The following UBE2J1 variants were observed in gnomAD, a reference collection of about 807,000 sequenced individuals.
UBE2J1 encodes ubiquitin conjugating enzyme E2 J1, also known as ubiquitin-conjugating enzyme E2 J1.
UBE2J1 carries 17 observed loss-of-function variants against 42.1 expected under a neutral mutation model. That is an observed-to-expected ratio of 0.40 (90% confidence interval 0.28 to 0.61). The LOEUF (loss-of-function observed/expected upper bound fraction) is 0.61, where lower values mean the gene tolerates loss of function less well. Among genes scored for constraint, UBE2J1 ranks in the 20% least tolerant of loss-of-function variants. UBE2J1 has a pLI of 0.38. For synonymous variants in UBE2J1, 127 were observed against 137.2 expected, an observed-to-expected ratio of 0.93 and a Z score of 0.52; for missense variants, 291 against 389.4, an observed-to-expected ratio of 0.75 and a Z score of 2.13.
intron 3 of UBE2J1, among the ~76,000 whole-genome samples, chr6:89,338,811 G>A (rs535992857): frequency 5.6e-4 from 85 of 151,376 alleles, no homozygotes; most frequent in African/African-American, 1.7e-3. Flanking sequence ...AACTACAGGC[G>A]CCTGCCACCA....
intron 3 of UBE2J1, among the ~76,000 whole-genome samples, chr6:89,341,542 A>G (rs746291374): frequency 6.6e-6 from 1 of 152,052 alleles, no homozygotes; most frequent in Admixed American, 6.6e-5. Flanking sequence ...TTCAAGACCA[A>G]TGAGACCATG....
chr6:89,329,810 G>A lies in UBE2J1; in HGVS notation c.826C>T (p.Gln276Ter). The A allele has an allele frequency of 6.2e-7, 1 of 1,614,104 alleles. No homozygotes were observed. Among genetic ancestry groups the A allele is most frequent in the Non-Finnish European group, 8.5e-7 (1 of 1,180,012 alleles). Residue 276 changes from glutamine (Q) to a stop codon, truncating the protein, a stop_gained, in exon 8 of 8, where the codon CAG (glutamine) becomes TAG (stop). Coordinates refer to ENST00000435041, the MANE Select transcript of UBE2J1 (RefSeq NM_016021.3). LOFTEE classifies it high-confidence loss of function. ...TGATCAGTGTGGTTGTCTCTTGGCT[G>A]GTGGCCCTGGATTACATCTGGTGAA... is the stretch of plus-strand genomic sequence containing the variant. ...STSPDVIQGHQPRDNHTDHGG... is the reference protein window; with the variant it reads ...STSPDVIQGH
chr6:89,346,045 C>G (rs986020190), intron 1 of UBE2J1, among the ~76,000 whole-genome samples: 1 of 152,194 alleles, frequency 6.6e-6, no homozygotes, highest in East Asian at 1.9e-4. Context: ...CATGCACCAC[C>G]ATGCCTGGCT....
Position 89,338,396 on chromosome 6 carries a change from T to C in UBE2J1, c.322+63A>G. ...GGAAAAAGAAAAAATCAGAGTATTA[T>C]ACTTCATAACTATGAATTGACTGAA... is the stretch of plus-strand genomic sequence containing the variant. On this transcript the variant is annotated intron_variant, in intron 4 of 7. Transcript: ENST00000435041. 9 of 1,565,146 alleles carry C rather than the reference T, an allele frequency of 5.8e-6. 1 individual carries two copies. The highest frequency in any genetic ancestry group is 7.9e-6 in the Non-Finnish European group (9 of 1,139,040).
intron 1 of UBE2J1, among the ~76,000 whole-genome samples, chr6:89,349,423 C>T (rs1768423892): frequency 6.6e-6 from 1 of 152,092 alleles, no homozygotes; most frequent in Non-Finnish European, 1.5e-5. Context: ...CTGGTGACAA[C>T]AGTGACTGAT....
intron 3 of UBE2J1, among the ~76,000 whole-genome samples, chr6:89,341,921 T>C (rs1477752538): frequency 6.6e-6 from 1 of 152,190 alleles, no homozygotes; most frequent in Non-Finnish European, 1.5e-5. Flanking sequence ...GTAGGTATCA[T>C]TATTCTCATT....
chr6:89,330,072 T>G (rs1339039685), intron 7 of UBE2J1, 115 bp from the exon 8 acceptor site: 10 of 1,003,830 alleles, frequency 1.0e-5, no homozygotes, highest in Non-Finnish European at 1.5e-5. Context: ...AGGGCAACAC[T>G]ACCAAGAATG....
chr6:89,350,626 A>G (rs1052605995), intron 1 of UBE2J1, among the ~76,000 whole-genome samples: 1 of 152,168 alleles, frequency 6.6e-6, no homozygotes, highest in Non-Finnish European at 1.5e-5. Flanking sequence ...TCTTTGAGGA[A>G]ATGAAACCAG....
intron 1 of UBE2J1, among the ~76,000 whole-genome samples, chr6:89,349,645 T>C (rs903057966): frequency 5.9e-5 from 9 of 152,190 alleles, no homozygotes; most frequent in Admixed American, 1.3e-4. Flanking sequence ...TTTTTCACTC[T>C]ATGGGAAATG....
chr6:89,332,999 AG>A, intron 7 of UBE2J1, 86 bp downstream of exon 7: 1 of 1,291,878 alleles, frequency 7.7e-7, no homozygotes, highest in Non-Finnish European at 1.0e-6. Context: ...CAAATTTTTC[AG>A]ATATTTGATC....
chr6:89,343,716 A>T lies in UBE2J1; in HGVS notation c.72T>A (p.Asp24Glu). 1 of 1,610,416 alleles carries T rather than the reference A, an allele frequency of 6.2e-7. No homozygotes were observed. The highest frequency in any genetic ancestry group is 8.5e-7 in the Non-Finnish European group (1 of 1,178,426). Residue 24 changes from aspartate to glutamate, a missense_variant, in exon 2 of 8, where the codon GAT becomes GAA. This residue lies in a region of UBE2J1 where 115 missense variants were observed against 193.1 expected (regional missense o/e 0.60). Transcript: ENST00000435041. ...GCTGCGCATGGTAATGATCTGTTGG[A>T]TCTTTCAATTCTGCCGCTTCTTTCA... The part of the protein sequence containing the change: ...RLMKEAAELK[D>E]PTDHYHAQPL...
chr6:89,341,511 AG>A (rs1296094212), intron 3 of UBE2J1, among the ~76,000 whole-genome samples: 3 of 152,154 alleles, frequency 2.0e-5, no homozygotes, highest in Non-Finnish European at 4.4e-5. Context: ...CTGAGATGGG[AG>A]GACTGCCTGA....
chr6:89,352,664 G>T lies in UBE2J1; in HGVS notation c.-95C>A. ...GTCTCAGCGCGGCTCGGGCGGACGG[G>T]GCCTGGCCGAGGAGCCTCGGCAAAT... On this transcript the variant is annotated 5_prime_UTR_variant, in exon 1 of 8. Transcript: ENST00000435041. 1 of 1,378,904 alleles carries T rather than the reference G, an allele frequency of 7.3e-7. No homozygotes were observed. The highest frequency in any genetic ancestry group is 3.0e-5 in the East Asian group (1 of 33,180). The allele number at this position is 1,378,904 out of a possible 1,614,324, so 85.4% of individuals were successfully genotyped here. A position where few individuals can be genotyped will look rare whatever the true frequency, so the allele number is the denominator to read the frequency against.
intron 1 of UBE2J1, among the ~76,000 whole-genome samples, chr6:89,345,428 C>A (rs993780080): frequency 1.3e-5 from 2 of 151,700 alleles, no homozygotes; most frequent in Non-Finnish European, 2.9e-5. Flanking sequence ...ATGGTGAAAC[C>A]CTGTCTCTAC....
chr6:89,328,172 C>T lies in UBE2J1; in HGVS notation c.*1507G>A, dbSNP rs1410721208. 6.6e-6 allele frequency: 1 copy of T among 152,124 alleles called. No homozygotes were observed. The allele number at this position is 152,124 out of a possible 1,614,324, so 9.4% of individuals were successfully genotyped here. ...AGATGTAGAAATAAAGGAAAACTGG[C>T]TCTCAGATGAAAACAGAAATTGTGT... On this transcript the variant is annotated 3_prime_UTR_variant, in exon 8 of 8. Transcript: ENST00000435041.
chr6:89,339,975 T>A (rs760464318), intron 3 of UBE2J1, among the ~76,000 whole-genome samples: 21 of 151,358 alleles, frequency 1.4e-4, no homozygotes, highest in African/African-American at 5.1e-4. Context: ...GTGATCATGC[T>A]ATTGGACTCC....
intron 6 of UBE2J1, among the ~76,000 whole-genome samples, 189 bp from the exon 7 acceptor site, chr6:89,333,394 CACA>C (rs1768046579): frequency 6.6e-6 from 1 of 152,204 alleles, no homozygotes; most frequent in Non-Finnish European, 1.5e-5. Flanking sequence ...AAGAAGCATA[CACA>C]ACACCTGTTC....
intron 1 of UBE2J1, among the ~76,000 whole-genome samples, chr6:89,348,791 C>G (rs1287690137): frequency 1.2e-4 from 18 of 152,150 alleles, no homozygotes; most frequent in Non-Finnish European, 2.5e-4. Flanking sequence ...CCTAGGGGAG[C>G]TAGACAAGGC....
chr6:89,332,950 A>G, intron 7 of UBE2J1, 136 bp downstream of exon 7: 1 of 619,666 alleles, frequency 1.6e-6, no homozygotes, highest in Non-Finnish European at 2.5e-6. Flanking sequence ...ATAATTCATT[A>G]GCGGGACTGA....
Sources: allele counts gnomAD v4.1 joint callset (sites outside exome capture counted in the v4.1 genomes callset), GRCh38; gene constraint gnomAD v4.1.1; regional missense constraint gnomAD v4.1.1; transcripts MANE v1.5; gene names NCBI Gene and HGNC (gene_info 2026-07-23, HGNC 2026-07-21).